NBR1: variants seen among roughly 807,000 people sequenced by gnomAD.
NBR1 encodes the protein next to BRCA1 gene 1 protein.
NBR1 carries 59 observed loss-of-function variants against 115.5 expected under a neutral mutation model. The observed-to-expected ratio is 0.51, with a 90% CI of 0.41 to 0.63. NBR1 has a LOEUF of 0.63. Ranked by LOEUF, NBR1 falls within the 30% of genes least tolerant of loss-of-function variation. The pLI is 0.00. For synonymous variants in NBR1, 373 were observed against 414.7 expected, an observed-to-expected ratio of 0.90 and a Z score of 1.22; for missense variants, 1,043 against 1,150.5, an observed-to-expected ratio of 0.91 and a Z score of 1.35.
At chr17:43,202,973 T>G (rs1053056129) in intron 19 of NBR1, among the ~76,000 whole-genome samples, 1 of 152,036 alleles carries the variant, frequency 6.6e-6, no homozygotes, top group African/African-American at 2.4e-5. Context: ...CTGGCCAACA[T>G]AGCGAAACCC....
rs1167343395 is a variant in NBR1 at position 43,193,632 on chromosome 17, G to A, written c.1518G>A (p.Gln506=). 4.4e-6 allele frequency: 7 copies of A among 1,606,342 alleles called. No individual in the cohort carries two copies. Among genetic ancestry groups the A allele is most frequent in the Non-Finnish European group, 6.0e-6 (7 of 1,176,180 alleles). The part of the protein sequence containing the change: ...SSSKTDDLTC[Q]QEETFLLAKE... Reference sequence around the variant, plus strand: ...GCAAAACTGATGATCTCACCTGCCAGCAAGAGGTGAGCATTGACTGACAGG... The same window carrying A: ...GCAAAACTGATGATCTCACCTGCCAACAAGAGGTGAGCATTGACTGACAGG... Residue 506 remains glutamine (Q), a synonymous_variant, in exon 12 of 21, where the codon CAG becomes CAA. Coordinates refer to ENST00000590996, the MANE Select transcript of NBR1 (RefSeq NM_005899.5).
In NBR1 at chr17:43,210,177, T is replaced by C. The variant is rs2057393647; in HGVS notation, c.*103T>C. The C allele has an allele frequency of 8.5e-7, 1 of 1,179,246 alleles. No individual in the cohort carries two copies. Among genetic ancestry groups the C allele is most frequent in the East Asian group, 2.5e-5 (1 of 40,662 alleles). The allele number at this position is 1,179,246 out of a possible 1,614,324, so 73.0% of individuals were successfully genotyped here. A position where few individuals can be genotyped will look rare whatever the true frequency, so the allele number is the denominator to read the frequency against. ...CCTTGCTTATTTTTAATCTGATGAATCTGTATAGAGCCCATCGTTGAGTTA... is the reference window on the plus strand; with the variant it reads ...CCTTGCTTATTTTTAATCTGATGAACCTGTATAGAGCCCATCGTTGAGTTA... On this transcript the variant is annotated 3_prime_UTR_variant, in exon 21 of 21. Transcript: ENST00000590996.
chr17:43,185,355 C>T (rs1056153847), intron 5 of NBR1, among the ~76,000 whole-genome samples: 9 of 152,132 alleles, frequency 5.9e-5, no homozygotes, highest in Non-Finnish European at 7.4e-5. Flanking sequence ...GGGCGGAGCC[C>T]GGGAGTTCGA....
chr17:43,188,912 T>A, intron 6 of NBR1, 130 bp from the exon 7 acceptor site: 1 of 656,154 alleles, frequency 1.5e-6, no homozygotes, highest in South Asian at 2.0e-5. Flanking sequence ...TACGCCTTCA[T>A]ACTGTGACTT....
At chr17:43,188,147 C>A (rs1257136166) in intron 6 of NBR1, among the ~76,000 whole-genome samples, 1 of 152,166 alleles carries the variant, frequency 6.6e-6, no homozygotes. Flanking sequence ...GCCTCAGCCT[C>A]CCAAAGTGCT....
chr17:43,197,964 C>T (rs555491457), intron 16 of NBR1, among the ~76,000 whole-genome samples: 115 of 152,038 alleles, frequency 7.6e-4, no homozygotes, highest in African/African-American at 2.5e-3. Flanking sequence ...CCAGCCTGAC[C>T]GACATGGAGA....
At chr17:43,199,308 CA>C (rs2057141299) in intron 16 of NBR1, among the ~76,000 whole-genome samples, 1 of 151,850 alleles carries the variant, frequency 6.6e-6, no homozygotes, top group Non-Finnish European at 1.5e-5. Flanking sequence ...CTTCTGAGCT[CA>C]AGCAGTCTGC....
chr17:43,179,468 G>A, intron 4 of NBR1, 56 bp downstream of exon 4: 4 of 1,491,734 alleles, frequency 2.7e-6, no homozygotes, highest in Non-Finnish European at 3.7e-6. Flanking sequence ...TCTGCTCATT[G>A]AGGCATTTCT....
Position 43,182,211 on chromosome 17 carries a change from C to CTTTT in NBR1, c.207+1415_207+1418dup, listed in dbSNP as rs752789312. Among the ~76,000 whole-genome samples, 241 of 71,606 alleles carry CTTTT rather than the reference C, an allele frequency of 3.4e-3. 11 individuals are homozygous for CTTTT. The highest frequency in any genetic ancestry group is 4.1e-3 in the Non-Finnish European group (163 of 39,406). 47.0% of individuals were successfully genotyped at this position (71,606 alleles called of 152,430 possible). On this transcript the variant is annotated intron_variant, in intron 5 of 20. Coordinates refer to ENST00000590996, the MANE Select transcript of NBR1 (RefSeq NM_005899.5). The stretch of plus-strand genomic sequence containing the variant: ...CCTCTTTCCCTCACTCTGTTCTCTC[C>CTTTT]TTTTTTTTTTTTTTTTTTTTTTTTG...
At chr17:43,191,615 T>C in intron 10 of NBR1, 34 bp downstream of exon 10, 3 of 1,458,048 alleles carry the variant, frequency 2.1e-6, no homozygotes, top group Non-Finnish European at 2.8e-6. Context: ...GCCAAAACTT[T>C]AGGCCCAGCT....
rs777575495 is a variant in NBR1, at chr17:43,210,001, A to G, written c.2828A>G (p.Asn943Ser). The G allele has an allele frequency of 1.9e-6, 3 of 1,613,634 alleles. No individual in the cohort carries two copies. Among genetic ancestry groups the G allele is most frequent in the East Asian group, 2.2e-5 (1 of 44,868 alleles). Residue 943 changes from asparagine (N) to serine (S), a missense_variant, in exon 21 of 21, where the codon AAT (asparagine) becomes AGT (serine). Transcript: ENST00000590996. ...AACCTACGGCTGCTGAAGAAACACA[A>G]TTACAATATCCTGCAGGTTGTGACA... ...QLNLRLLKKH[N>S]YNILQVVTEL...
chr17:43,200,557 A>C lies in NBR1; in HGVS notation c.2417A>C (p.Glu806Ala). The change falls in exon 17 of 21, where the codon GAA becomes GCA. Residue 806 changes from glutamate (E) to alanine (A), a missense_variant. Glu to Ala is a moderately radical substitution (Grantham distance 107, BLOSUM62 -1). Coordinates refer to ENST00000590996, the MANE Select transcript of NBR1 (RefSeq NM_005899.5). Reference protein sequence around the residue: ...SDILTTSQTLETVPLIPEVVE... With the variant: ...SDILTTSQTLATVPLIPEVVE... Reference sequence around the variant, plus strand: ...ATCCTCACGACCTCACAGACTCTGGAAACAGTGCCCCTAATCCCAGAGGTA... The same window carrying C: ...ATCCTCACGACCTCACAGACTCTGGCAACAGTGCCCCTAATCCCAGAGGTA... The C allele has an allele frequency of 3.1e-6, 5 of 1,613,448 alleles. No homozygotes were observed. Among genetic ancestry groups the C allele is most frequent in the Non-Finnish European group, 4.2e-6 (5 of 1,179,496 alleles).
chr17:43,202,335 C>A (rs1306425687), intron 18 of NBR1, among the ~76,000 whole-genome samples: 1 of 152,064 alleles, frequency 6.6e-6, no homozygotes, highest in African/African-American at 2.4e-5. Context: ...AGCTCCATCT[C>A]CCCCTTTCCT....
At chr17:43,207,451 G>A (rs1389954059) in intron 20 of NBR1, among the ~76,000 whole-genome samples, 1 of 152,168 alleles carries the variant, frequency 6.6e-6, no homozygotes, top group Non-Finnish European at 1.5e-5. Context: ...TAGAACTCTT[G>A]GATTCAAGCA....
intron 5 of NBR1, among the ~76,000 whole-genome samples, chr17:43,184,737 T>A (rs1228731343): frequency 6.6e-6 from 1 of 152,132 alleles, no homozygotes; most frequent in African/African-American, 2.4e-5. Context: ...TTGAGTTTTG[T>A]TAGTCTAGAA....
intron 9 of NBR1, among the ~76,000 whole-genome samples, chr17:43,191,124 C>T (rs2056934155): frequency 1.3e-5 from 2 of 152,012 alleles, no homozygotes; most frequent in African/African-American, 4.8e-5. Context: ...CGTGGTGGTG[C>T]GTACCTATAG....
chr17:43,189,754 C>T lies in NBR1; in HGVS notation c.647C>T (p.Ala216Val). 6.2e-7 allele frequency: 1 copy of T among 1,613,994 alleles called. No individual in the cohort carries two copies. The highest frequency in any genetic ancestry group is 8.5e-7 in the Non-Finnish European group (1 of 1,179,902). ...LPENQFSWHI[A>V]CNNCQRRIVG... ...GAAAACCAGTTCAGCTGGCATATTG[C>T]TTGCAACAACTGCCAAAGAAGGATT... Residue 216 changes from alanine to valine, a missense_variant, in exon 8 of 21, where the codon GCT (alanine) becomes GTT (valine). By Grantham distance (64) the Ala-to-Val change is moderately conservative (BLOSUM62 0). Coordinates refer to ENST00000590996, the MANE Select transcript of NBR1 (RefSeq NM_005899.5).
chr17:43,182,479 C>T (rs1052383721), intron 5 of NBR1, among the ~76,000 whole-genome samples: 25 of 151,584 alleles, frequency 1.6e-4, no homozygotes, highest in Non-Finnish European at 2.9e-4. Context: ...CCTTGGCCTG[C>T]CAAGGTGCTG....
rs146982309 is a variant in NBR1, at chr17:43,193,777, A to C, written c.1524+139A>C. On this transcript the variant is annotated intron_variant, in intron 12 of 20. Transcript: ENST00000590996. ...TTAGCATCTCCCCCCGCCCCAACAC[A>C]TCTCTATGCTGATATTTGGCCTCTT... The C allele has an allele frequency of 1.3e-4, 114 of 882,920 alleles. No individual in the cohort carries two copies. In the East Asian group the frequency reaches 2.5e-3, roughly 19 times the overall value. 54.7% of individuals were successfully genotyped at this position (882,920 alleles called of 1,614,324 possible).
Sources: allele counts gnomAD v4.1 joint callset (sites outside exome capture counted in the v4.1 genomes callset), GRCh38; gene constraint gnomAD v4.1.1; transcripts MANE v1.5; gene names NCBI Gene and HGNC (gene_info 2026-07-23, HGNC 2026-07-21).